The following MYO9A variants were observed in gnomAD, a reference collection of about 807,000 sequenced individuals.
The protein encoded by MYO9A is unconventional myosin-IXa.
A neutral mutation model predicts 293.3 loss-of-function variants in MYO9A; 103 were observed. The ratio of observed to expected loss-of-function variants is 0.35; its 90% CI spans 0.30 to 0.41. The LOEUF (loss-of-function observed/expected upper bound fraction) is 0.41. Ranked by LOEUF, MYO9A falls within the 10% of genes least tolerant of loss-of-function variation. The probability of loss-of-function intolerance (pLI) is 1.00; values close to 1 mark genes in which losing one functional copy is unlikely to be tolerated. For synonymous variants in MYO9A, 1,001 were observed against 1,035.7 expected, an observed-to-expected ratio of 0.97 and a Z score of 0.64; for missense variants, 2,685 against 3,033.0, an observed-to-expected ratio of 0.89 and a Z score of 2.69.
At chr15:72,085,586 T>G (rs1470118292) in intron 1 of MYO9A, among the ~76,000 whole-genome samples, 1 of 152,156 alleles carries the variant, frequency 6.6e-6, no homozygotes. Flanking sequence ...ATCTCTATGA[T>G]CTTCGTTCCT....
intron 1 of MYO9A, among the ~76,000 whole-genome samples, chr15:72,071,415 G>A (rs900486142): frequency 6.6e-6 from 1 of 152,096 alleles, no homozygotes; most frequent in African/African-American, 2.4e-5. Flanking sequence ...CAAGTATGTG[G>A]AACAAAAGGG....
chr15:71,931,551 T>C (rs2058476713), intron 18 of MYO9A, among the ~76,000 whole-genome samples: 2 of 152,208 alleles, frequency 1.3e-5, no homozygotes, highest in Admixed American at 1.3e-4. Context: ...GACAAATTGA[T>C]TATAACATGT....
At chr15:71,852,828 C>A (rs753894996) in intron 35 of MYO9A, among the ~76,000 whole-genome samples, 1 of 152,122 alleles carries the variant, frequency 6.6e-6, no homozygotes, top group Non-Finnish European at 1.5e-5. Flanking sequence ...CCAGGAGCAG[C>A]GGCTCATGAC....
At chr15:71,897,263 A>G in intron 25 of MYO9A, 198 bp downstream of exon 25, 1 of 589,902 alleles carries the variant, frequency 1.7e-6, no homozygotes. Flanking sequence ...GCTATTCATG[A>G]TCAGTCAAGG....
chr15:71,874,925 C>A (rs1283266570), intron 32 of MYO9A, among the ~76,000 whole-genome samples: 1 of 152,156 alleles, frequency 6.6e-6, no homozygotes, highest in Admixed American at 6.5e-5. Flanking sequence ...AAGTATTTTT[C>A]TCTTCTGTAA....
At chr15:71,862,952 T>TA (rs1217222002) in intron 32 of MYO9A, among the ~76,000 whole-genome samples, 1 of 149,230 alleles carries the variant, frequency 6.7e-6, no homozygotes, top group Non-Finnish European at 1.5e-5. Flanking sequence ...TTTTGAGACT[T>TA]AGTCTTGCTA....
chr15:71,943,304 GA>G (rs2058825751), intron 15 of MYO9A, among the ~76,000 whole-genome samples: 1 of 151,868 alleles, frequency 6.6e-6, no homozygotes, highest in South Asian at 2.1e-4. Flanking sequence ...TCCTAAACTT[GA>G]AAAGATTATG....
At chr15:71,914,539 T>C (rs2057953689) in intron 19 of MYO9A, among the ~76,000 whole-genome samples, 1 of 152,156 alleles carries the variant, frequency 6.6e-6, no homozygotes, top group Admixed American at 6.5e-5. Context: ...TATCCTAGAA[T>C]AATTGGAGAA....
intron 2 of MYO9A, among the ~76,000 whole-genome samples, chr15:72,037,862 C>T (rs189034539): frequency 4.6e-5 from 7 of 150,776 alleles, no homozygotes; most frequent in Middle Eastern, 3.5e-3. Flanking sequence ...AAACAGCAAC[C>T]GTTCCTGATA....
At chr15:72,018,880 T>C (rs1002134599) in intron 6 of MYO9A, among the ~76,000 whole-genome samples, 159 bp downstream of exon 6, 4 of 152,204 alleles carry the variant, frequency 2.6e-5, no homozygotes, top group Non-Finnish European at 5.9e-5. Flanking sequence ...TATACAGATA[T>C]AAATCAATCA....
In MYO9A at chr15:71,904,000, G is replaced by C; in HGVS notation, c.2806C>G (p.Leu936Val). 1 of 1,613,992 alleles carries C rather than the reference G, an allele frequency of 6.2e-7. No individual in the cohort carries two copies. The highest frequency in any genetic ancestry group is 1.7e-5 in the Admixed American group (1 of 59,984). ...RFSDVLVLRQ[L>V]RYTGMLETVR... ...GTTTCCAGCATCCCGGTGTATCGAA[G>C]CTGTCTAAGTACCAAGACATCACTG... The change falls in exon 21 of 42, where the codon CTT becomes GTT. Residue 936 changes from leucine (L) to valine (V), a missense_variant. This residue lies in a region of MYO9A where 1,434 missense variants were observed against 1,497.7 expected (regional missense o/e 0.96). Coordinates refer to ENST00000356056, the MANE Select transcript of MYO9A (RefSeq NM_006901.4).
intron 16 of MYO9A, among the ~76,000 whole-genome samples, chr15:71,937,483 A>AT (rs993300915): frequency 2.0e-5 from 3 of 151,936 alleles, no homozygotes; most frequent in Admixed American, 6.6e-5. Context: ...GATGATTGTT[A>AT]TTTTTTTTAG....
intron 16 of MYO9A, 173 bp downstream of exon 16, chr15:71,938,679 T>C: frequency 4.3e-6 from 2 of 459,932 alleles, no homozygotes; most frequent in Non-Finnish European, 7.3e-6. Context: ...TGTAGACAAA[T>C]CTTGTTAACT....
chr15:72,075,569 A>G (rs1000314622), intron 1 of MYO9A, among the ~76,000 whole-genome samples: 5 of 151,720 alleles, frequency 3.3e-5, no homozygotes, highest in South Asian at 2.1e-4. Context: ...AATAGACTTA[A>G]TAACAGATGA....
intron 41 of MYO9A, among the ~76,000 whole-genome samples, chr15:71,827,528 C>CAAAACAA (rs1320304963): frequency 6.6e-6 from 1 of 151,390 alleles, no homozygotes; most frequent in Non-Finnish European, 1.5e-5. Context: ...CAAAACAAAA[C>CAAAACAA]AAAACAAAAA....
In MYO9A at chr15:71,879,960, T is replaced by C. The variant is rs577322806; in HGVS notation, c.5623-123A>G. Reference sequence around the variant, plus strand: ...TCAAAGTGCAAGCCACAGGCTATTATAGGACTCAGGTGAAAGTTATGACTA... The same window carrying C: ...TCAAAGTGCAAGCCACAGGCTATTACAGGACTCAGGTGAAAGTTATGACTA... On this transcript the variant is annotated intron_variant, in intron 29 of 41. Transcript: ENST00000356056. The C allele has an allele frequency of 3.5e-5, 24 of 681,636 alleles. No individual in the cohort carries two copies. The East Asian group carries it at 4.9e-4, about 14-fold the overall frequency. 42.2% of individuals were successfully genotyped at this position (681,636 alleles called of 1,614,324 possible).
chr15:72,074,221 T>A (rs1247672233), intron 1 of MYO9A, among the ~76,000 whole-genome samples: 1 of 152,170 alleles, frequency 6.6e-6, no homozygotes, highest in Non-Finnish European at 1.5e-5. Flanking sequence ...CCATCAAATT[T>A]GTTCATGCTA....
chr15:72,067,022 C>T (rs1342775415), intron 1 of MYO9A, among the ~76,000 whole-genome samples: 1 of 148,458 alleles, frequency 6.7e-6, no homozygotes, highest in Non-Finnish European at 1.5e-5. Flanking sequence ...TTATATATTA[C>T]AATATATAAT....
At chr15:72,052,233 G>GT (rs2078587789) in intron 1 of MYO9A, among the ~76,000 whole-genome samples, 1 of 152,164 alleles carries the variant, frequency 6.6e-6, no homozygotes, top group South Asian at 2.1e-4. Context: ...ACCAGCTGCA[G>GT]TGAGGAGCTA....
Sources: gnomAD v4.1 joint callset for allele counts (sites outside exome capture counted in the v4.1 genomes callset) on GRCh38, gnomAD v4.1.1 for gene constraint, gnomAD v4.1.1 regional missense constraint, MANE v1.5 for transcripts, NCBI Gene and HGNC (gene_info 2026-07-23, HGNC 2026-07-21) for gene names.